Variants in RELN observed in about 807,000 individuals in gnomAD.
RELN encodes the protein reelin.
In RELN, 108 loss-of-function variants were observed where a neutral mutation model predicts 427.6. The observed-to-expected ratio is 0.25, with a 90% CI of 0.22 to 0.30. The LOEUF is 0.30. Ranked by LOEUF, RELN falls within the 10% of genes least tolerant of loss-of-function variation. The pLI, the probability that RELN is intolerant of heterozygous loss-of-function variation, is 1.00. For missense variants in RELN, 3,715 were observed against 4,302.8 expected (o/e 0.86, Z 3.82); for synonymous variants, 1,524 against 1,513.4 (o/e 1.01, Z -0.16).
chr7:103,953,793 G>A lies in RELN; in HGVS notation c.226+35338C>T, dbSNP rs899886935. ...TCTAAAAATAGAAAATTATCCAGGTGTGGTGGCACACGCCTATAATCCCAA... is the reference window on the plus strand; with the variant it reads ...TCTAAAAATAGAAAATTATCCAGGTATGGTGGCACACGCCTATAATCCCAA... On this transcript the variant is annotated intron_variant, in intron 1 of 64. Transcript: ENST00000428762. This position sits in a 1 kb window ranked among gnomAD's most constrained non-coding sequence, Gnocchi z 4.3. Among the ~76,000 whole-genome samples the A allele has an allele frequency of 2.5e-4, 38 of 151,832 alleles. No homozygotes were observed. The highest frequency in any genetic ancestry group is 9.2e-4 in the African/African-American group (38 of 41,424).
intron 3 of RELN, among the ~76,000 whole-genome samples, chr7:103,795,614 A>T (rs561826061): frequency 6.6e-6 from 1 of 152,232 alleles, no homozygotes; most frequent in Non-Finnish European, 1.5e-5. Flanking sequence ...GACATGAACA[A>T]AACATCCAAT....
At chr7:103,934,433 A>G (rs910014212) in intron 1 of RELN, among the ~76,000 whole-genome samples, 1 of 151,980 alleles carries the variant, frequency 6.6e-6, no homozygotes, top group Non-Finnish European at 1.5e-5. Context: ...CCCAAATCCT[A>G]TTTTTCAATA....
At chr7:103,909,245 C>G (rs1044177716) in intron 2 of RELN, among the ~76,000 whole-genome samples, 1 of 152,002 alleles carries the variant, frequency 6.6e-6, no homozygotes, top group African/African-American at 2.4e-5. Flanking sequence ...GGAGTATGGG[C>G]CTTGGCGATA....
At chr7:103,777,289 A>C (rs139254967) in intron 3 of RELN, among the ~76,000 whole-genome samples, 1,780 of 152,322 alleles carry the variant, frequency 0.012, 27 homozygotes, top group Admixed American at 0.022. Flanking sequence ...AGTCTTATTA[A>C]AGGAATAATT....
chr7:103,789,625 G>A (rs370965667), intron 3 of RELN, among the ~76,000 whole-genome samples: 15 of 152,038 alleles, frequency 9.9e-5, no homozygotes, highest in South Asian at 4.2e-4. Flanking sequence ...AATCAAAACC[G>A]CAATGAGATA....
chr7:103,502,332 T>C (rs1425420016), intron 52 of RELN, among the ~76,000 whole-genome samples: 3 of 152,158 alleles, frequency 2.0e-5, no homozygotes, highest in African/African-American at 7.2e-5. Flanking sequence ...AAAGACTCTT[T>C]ATGTTTCACA....
intron 11 of RELN, among the ~76,000 whole-genome samples, chr7:103,672,657 CA>C (rs1300211213): frequency 2.6e-5 from 4 of 151,714 alleles, no homozygotes; most frequent in African/African-American, 9.7e-5. Context: ...TTTTTTTTCC[CA>C]ATAATATATT....
chr7:103,952,989 A>G (rs1291121224), intron 1 of RELN, among the ~76,000 whole-genome samples: 2 of 152,150 alleles, frequency 1.3e-5, no homozygotes, highest in Middle Eastern at 3.2e-3. Context: ...ATTAGATGCT[A>G]TACTCCTCTA....
chr7:103,820,583 T>G (rs988788397), intron 3 of RELN, among the ~76,000 whole-genome samples: 2 of 151,238 alleles, frequency 1.3e-5, no homozygotes, highest in African/African-American at 4.9e-5. Flanking sequence ...TCAAGGAGTC[T>G]GATTCTGTAA....
chr7:103,948,519 A>G (rs1796264613), intron 1 of RELN, among the ~76,000 whole-genome samples: 1 of 152,064 alleles, frequency 6.6e-6, no homozygotes, highest in Non-Finnish European at 1.5e-5. Context: ...CTAAAAATAC[A>G]AAAATTAGCT....
chr7:103,740,010 A>G lies in RELN; in HGVS notation c.656+9416T>C, dbSNP rs138973640. 4.2e-3 allele frequency among the ~76,000 whole-genome samples: 647 copies of G among 152,308 alleles called. 2 individuals are homozygous for G. Among genetic ancestry groups the G allele is most frequent in the Non-Finnish European group, 7.8e-3 (528 of 68,028 alleles). ...CTGTGTGGACTAGTCACCAGACTAG[A>G]TGAGATAATGGAAGATTCAGTGGAT... On this transcript the variant is annotated intron_variant, in intron 6 of 64. Transcript: ENST00000428762.
Position 103,636,367 on chromosome 7 carries a change from T to C in RELN, c.2171A>G (p.His724Arg), listed in dbSNP as rs746516208. The change falls in exon 18 of 65, where the codon CAT (histidine) becomes CGT (arginine). Residue 724 changes from histidine to arginine, a missense_variant. His to Arg is a conservative substitution (Grantham distance 29). Around this residue, in one of 4 missense-constraint regions of RELN, gnomAD observed 2,208 missense variants for 2,361.7 expected, o/e 0.93. Transcript: ENST00000428762. Reference sequence around the variant, plus strand: ...AGCACCACGGATAGAGTAAAAGTTATGGTAAGAGGAGAGCCTGGAACTGCC... The same window carrying C: ...AGCACCACGGATAGAGTAAAAGTTACGGTAAGAGGAGAGCCTGGAACTGCC... ...SFGSSRLSSY[H>R]NFYSIRGAEV... 13 of 1,613,736 alleles carry C rather than the reference T, an allele frequency of 8.1e-6. No individual in the cohort carries two copies. Among genetic ancestry groups the C allele is most frequent in the East Asian group, 2.2e-5 (1 of 44,838 alleles).
chr7:103,546,115 C>A (rs1352239332), intron 41 of RELN, among the ~76,000 whole-genome samples: 1 of 152,150 alleles, frequency 6.6e-6, no homozygotes, highest in Non-Finnish European at 1.5e-5. Flanking sequence ...TTTATCACCC[C>A]AAAAGGAAAC....
At chr7:103,644,111 A>C (rs1359160182) in intron 16 of RELN, among the ~76,000 whole-genome samples, 1 of 151,884 alleles carries the variant, frequency 6.6e-6, no homozygotes, top group Admixed American at 6.6e-5. Flanking sequence ...CAAGAGAAAA[A>C]AAATTCCATC....
At chr7:103,658,099 T>C (rs1833061526) in intron 12 of RELN, among the ~76,000 whole-genome samples, 1 of 152,106 alleles carries the variant, frequency 6.6e-6, no homozygotes, top group Non-Finnish European at 1.5e-5. Context: ...GTCTCTTAGG[T>C]TATTTTTTGT....
chr7:103,751,036 G>A (rs1266709470), intron 5 of RELN, among the ~76,000 whole-genome samples: 1 of 152,132 alleles, frequency 6.6e-6, no homozygotes, highest in African/African-American at 2.4e-5. Context: ...TTTAAAGGTT[G>A]TGTGAGAAAT....
chr7:103,561,645 C>T lies in RELN; in HGVS notation c.5416G>A (p.Asp1806Asn). 6.2e-7 allele frequency: 1 copy of T among 1,614,008 alleles called. No homozygotes were observed. Among genetic ancestry groups the T allele is most frequent in the Non-Finnish European group, 8.5e-7 (1 of 1,179,950 alleles). The change falls in exon 36 of 65, where the codon GAC becomes AAC. Residue 1806 changes from aspartate (D) to asparagine (N), a missense_variant. Physicochemically the swap from Asp to Asn is conservative, Grantham distance 23. This residue lies in a region of RELN where 2,208 missense variants were observed against 2,361.7 expected (regional missense o/e 0.93). Transcript: ENST00000428762. ...PVVPLPSILK[D>N]DFNGNLHPDL... ...GGATGTAAATTCCCATTGAAATCGT[C>T]TTTAAGAATCGAGGGCAGAGGAACA...
intron 10 of RELN, among the ~76,000 whole-genome samples, chr7:103,692,624 T>C (rs1307188097): frequency 2.0e-5 from 3 of 152,072 alleles, no homozygotes; most frequent in Non-Finnish European, 4.4e-5. Flanking sequence ...ACTGATCATA[T>C]TGATAGTGAA....
In RELN at chr7:103,824,226, CCTT is replaced by C. The variant is rs1433169028; in HGVS notation, c.473+9308_473+9310del. Among the ~76,000 whole-genome samples the C allele has an allele frequency of 6.6e-6, 1 of 152,038 alleles. No homozygotes were observed. Among genetic ancestry groups the C allele is most frequent in the African/African-American group, 2.4e-5 (1 of 41,412 alleles). ...ATTTGTCTTATTATTTTTATTCTCT[CCTT>C]CTAAAACTTCAATTAGATGTTAATT... On this transcript the variant is annotated intron_variant, in intron 3 of 64. Coordinates refer to ENST00000428762, the MANE Select transcript of RELN (RefSeq NM_005045.4). This position sits in a 1 kb window ranked among gnomAD's most constrained non-coding sequence, Gnocchi z 4.4.
Sources: gnomAD v4.1 joint callset for allele counts (sites outside exome capture counted in the v4.1 genomes callset) on GRCh38, gnomAD v4.1.1 for gene constraint, gnomAD v4.1.1 regional missense constraint, Gnocchi (gnomAD v3.1) non-coding constraint, MANE v1.5 for transcripts, NCBI Gene and HGNC (gene_info 2026-07-23, HGNC 2026-07-21) for gene names.